The following KDM3A variants were observed in gnomAD, a reference collection of about 807,000 sequenced individuals.
KDM3A encodes lysine-specific demethylase 3A.
Under a neutral mutation model 158.0 loss-of-function variants are expected in KDM3A, and 60 were observed. The observed-to-expected ratio is 0.38, with a 90% CI of 0.31 to 0.47. The LOEUF is 0.47. KDM3A is among the 20% of genes least tolerant of loss of function. The pLI is 0.99. For synonymous variants in KDM3A, 608 were observed against 549.3 expected (o/e 1.11, Z -1.49); for missense variants, 1,319 against 1,574.3 (o/e 0.84, Z 2.74).
At chr2:86,458,439 G>A (rs999530728) in intron 8 of KDM3A, among the ~76,000 whole-genome samples, 2 of 152,158 alleles carry the variant, frequency 1.3e-5, no homozygotes, top group Non-Finnish European at 2.9e-5. Flanking sequence ...TTTCATTTTT[G>A]CCTTAAAGTT....
At chr2:86,461,425 A>G (rs1368454957) in intron 8 of KDM3A, among the ~76,000 whole-genome samples, 6 of 152,114 alleles carry the variant, frequency 3.9e-5, no homozygotes, top group African/African-American at 1.4e-4. Context: ...ATTTATAGCT[A>G]TTTAGAAATG....
In KDM3A at chr2:86,445,605, A is replaced by G. The variant is rs552530280; in HGVS notation, c.186+3372A>G. Among the ~76,000 whole-genome samples, 4 of 152,256 alleles carry G rather than the reference A, an allele frequency of 2.6e-5. No homozygotes were observed. In the South Asian group the frequency reaches 6.2e-4, roughly 24 times the overall value. ...TCCTTACAGGTGTCCTTAGCAGGCA[A>G]TTAGTCCTTGCCATCTGTATGTACC... is the stretch of plus-strand genomic sequence containing the variant. On this transcript the variant is annotated intron_variant, in intron 2 of 25. Transcript: ENST00000312912.
At chr2:86,465,706 G>T (rs930304578) in intron 9 of KDM3A, among the ~76,000 whole-genome samples, 1 of 152,010 alleles carries the variant, frequency 6.6e-6, no homozygotes, top group African/African-American at 2.4e-5. Flanking sequence ...CTTGTGCCTT[G>T]CCCATTGTTC....
intron 3 of KDM3A, among the ~76,000 whole-genome samples, chr2:86,450,666 G>C (rs1406861837): frequency 6.6e-5 from 10 of 152,196 alleles, no homozygotes. Flanking sequence ...AGGCTGATCA[G>C]ATTGTGATCT....
Position 86,462,155 on chromosome 2 carries a change from C to A in KDM3A, c.844-1898C>A, listed in dbSNP as rs182397570. Reference sequence around the variant, plus strand: ...TCAATACATACTTTGCAAATAGAGGCAAGATTTATTGGTTTATTGATTACA... The same window carrying A: ...TCAATACATACTTTGCAAATAGAGGAAAGATTTATTGGTTTATTGATTACA... On this transcript the variant is annotated intron_variant, in intron 8 of 25. Coordinates refer to ENST00000312912, the MANE Select transcript of KDM3A (RefSeq NM_018433.6). Among the ~76,000 whole-genome samples the A allele has an allele frequency of 4.0e-3, 604 of 150,196 alleles. 9 individuals are homozygous for A. In the South Asian group the frequency reaches 0.047, roughly 12 times the overall value.
At chr2:86,457,971 C>G (rs561258348) in intron 8 of KDM3A, among the ~76,000 whole-genome samples, 8 of 152,168 alleles carry the variant, frequency 5.3e-5, no homozygotes, top group Admixed American at 4.6e-4. Flanking sequence ...ATACAAATAA[C>G]TTTCTGGCAC....
chr2:86,475,166 T>C (rs1673607486), intron 12 of KDM3A, among the ~76,000 whole-genome samples, 176 bp downstream of exon 12: 1 of 152,180 alleles, frequency 6.6e-6, no homozygotes, highest in Non-Finnish European at 1.5e-5. Context: ...GCCACCTATC[T>C]TTGGGGTTTA....
intron 21 of KDM3A, 68 bp from the exon 22 acceptor site, chr2:86,489,250 T>C: frequency 6.5e-7 from 1 of 1,538,806 alleles, no homozygotes; most frequent in Non-Finnish European, 8.8e-7. Context: ...ATCCCCCAGG[T>C]AGGTAGTGGA....
chr2:86,491,302 T>C, intron 25 of KDM3A, 27 bp downstream of exon 25: 1 of 1,610,140 alleles, frequency 6.2e-7, no homozygotes, highest in South Asian at 1.1e-5. Flanking sequence ...TTCCTAGCAT[T>C]CTTTGGCTAT....
chr2:86,466,368 T>TC lies in KDM3A; in HGVS notation c.1008-3dup. 6.2e-7 allele frequency: 1 copy of TC among 1,602,754 alleles called. No individual in the cohort carries two copies. The highest frequency in any genetic ancestry group is 8.5e-7 in the Non-Finnish European group (1 of 1,175,094). ...ATGCTAGCTTTCTATATTATATTTT[T>TC]CAGATGTCATAAACAAAGTTTACCA... is the stretch of plus-strand genomic sequence containing the variant. On this transcript the variant is annotated splice_polypyrimidine_tract_variant and splice_region_variant and intron_variant, in intron 9 of 25. Transcript: ENST00000312912.
intron 21 of KDM3A, chr2:86,487,051 G>C (rs1204425507): frequency 6.6e-6 from 1 of 152,274 alleles, no homozygotes; most frequent in African/African-American, 2.4e-5. Flanking sequence ...GCCCCTCAGA[G>C]ACTGATTAAA....
chr2:86,442,101 C>G lies in KDM3A; in HGVS notation c.54C>G (p.Leu18=), dbSNP rs1167614419. 2 of 1,614,144 alleles carry G rather than the reference C, an allele frequency of 1.2e-6. No individual in the cohort carries two copies. The highest frequency in any genetic ancestry group is 1.7e-6 in the Non-Finnish European group (2 of 1,180,012). ...SWPVLVGRRF[L]SLSAADGSDG... ...CGGTATTGGTGGGGAGGAGGTTTCTCAGTCTGTCCGCAGCCGACGGCAGCG... is the reference window on the plus strand; with the variant it reads ...CGGTATTGGTGGGGAGGAGGTTTCTGAGTCTGTCCGCAGCCGACGGCAGCG... Residue 18 remains leucine, a synonymous_variant, in exon 2 of 26, where the codon CTC becomes CTG. Coordinates refer to ENST00000312912, the MANE Select transcript of KDM3A (RefSeq NM_018433.6).
intron 8 of KDM3A, among the ~76,000 whole-genome samples, chr2:86,463,671 G>T (rs935274132): frequency 1.3e-5 from 2 of 152,194 alleles, no homozygotes; most frequent in African/African-American, 2.4e-5. Context: ...GTGCGTGGTG[G>T]GCACTCAAGT....
intron 3 of KDM3A, 47 bp downstream of exon 3, chr2:86,450,009 A>G (rs1672375615): frequency 1.3e-6 from 2 of 1,546,110 alleles, no homozygotes; most frequent in Admixed American, 2.0e-5. Flanking sequence ...AGGGCATTTT[A>G]TCCATTGTGG....
Position 86,451,220 on chromosome 2 carries a change from C to T in KDM3A, c.453+7C>T. ...CCTTTTGAAGCCTATACAGGTAAAACATAGAAACAGTAGTAAACATTAGAA... is the reference window on the plus strand; with the variant it reads ...CCTTTTGAAGCCTATACAGGTAAAATATAGAAACAGTAGTAAACATTAGAA... On this transcript the variant is annotated splice_region_variant and intron_variant, in intron 4 of 25. Coordinates refer to ENST00000312912, the MANE Select transcript of KDM3A (RefSeq NM_018433.6). The T allele has an allele frequency of 6.6e-7, 1 of 1,526,602 alleles. No homozygotes were observed. Among genetic ancestry groups the T allele is most frequent in the Non-Finnish European group, 9.0e-7 (1 of 1,116,708 alleles). 94.6% of individuals were successfully genotyped at this position (1,526,602 alleles called of 1,614,324 possible). A position where few individuals can be genotyped will look rare whatever the true frequency, so the allele number is the denominator to read the frequency against.
intron 16 of KDM3A, among the ~76,000 whole-genome samples, chr2:86,481,107 C>T (rs112627584): frequency 4.6e-5 from 7 of 152,212 alleles, no homozygotes; most frequent in African/African-American, 1.7e-4. Flanking sequence ...GGACAAGATG[C>T]AGGAAAACAT....
chr2:86,478,620 T>C lies in KDM3A; in HGVS notation c.2201T>C (p.Val734Ala). 1.9e-6 allele frequency: 3 copies of C among 1,614,118 alleles called. No homozygotes were observed. The highest frequency in any genetic ancestry group is 1.7e-6 in the Non-Finnish European group (2 of 1,179,974). The stretch of plus-strand genomic sequence containing the variant: ...GCCCTTTCTTTAGCACTCTATGATG[T>C]TGGAGACATTGTTCATTCTGTAAGA... ...QIIPGKALYD[V>A]GDIVHSVRAK... Residue 734 changes from valine to alanine, a missense_variant, in exon 15 of 26, where the codon GTT (valine) becomes GCT (alanine). Val to Ala is a moderately conservative substitution (Grantham distance 64). Coordinates refer to ENST00000312912, the MANE Select transcript of KDM3A (RefSeq NM_018433.6).
intron 12 of KDM3A, among the ~76,000 whole-genome samples, chr2:86,476,535 C>A (rs1023704816): frequency 3.3e-5 from 5 of 151,856 alleles, no homozygotes; most frequent in African/African-American, 1.2e-4. Flanking sequence ...CTGAAATATG[C>A]CACCATACCC....
chr2:86,441,979 C>T lies in KDM3A; in HGVS notation c.-30-39C>T, dbSNP rs1682738309. 2.6e-6 allele frequency: 4 copies of T among 1,551,942 alleles called. No individual in the cohort carries two copies. In the South Asian group the frequency reaches 3.4e-5, roughly 13 times the overall value. On this transcript the variant is annotated intron_variant, in intron 1 of 25. Coordinates refer to ENST00000312912, the MANE Select transcript of KDM3A (RefSeq NM_018433.6). ...CTGTCTCCGCCCGGCCCCCTCCCAC[C>T]GGCCGCCCCCGTCGCATTTTGTTTT...
Sources: gnomAD v4.1 joint callset for allele counts (sites outside exome capture counted in the v4.1 genomes callset) on GRCh38, gnomAD v4.1.1 for gene constraint, MANE v1.5 for transcripts, NCBI Gene and HGNC (gene_info 2026-07-23, HGNC 2026-07-21) for gene names.